The following LAMC1 variants were observed in gnomAD, a reference collection of about 807,000 sequenced individuals.
The protein encoded by LAMC1 is laminin subunit gamma-1.
LAMC1 carries 38 observed loss-of-function variants against 173.6 expected under a neutral mutation model. The ratio of observed to expected loss-of-function variants is 0.22; its 90% CI spans 0.17 to 0.29. The LOEUF (loss-of-function observed/expected upper bound fraction) is 0.29. Ranked by LOEUF, LAMC1 falls within the 10% of genes least tolerant of loss-of-function variation. The probability of loss-of-function intolerance (pLI) is 1.00; values close to 1 mark genes in which losing one functional copy is unlikely to be tolerated. For missense variants in LAMC1, 1,824 were observed against 2,051.8 expected, an observed-to-expected ratio of 0.89 and a Z score of 2.14; for synonymous variants, 746 against 749.1, an observed-to-expected ratio of 1.00 and a Z score of 0.07.
chr1:183,107,299 A>ATT (rs1282081755), intron 2 of LAMC1, among the ~76,000 whole-genome samples: 2 of 152,134 alleles, frequency 1.3e-5, no homozygotes, highest in Non-Finnish European at 2.9e-5. Context: ...GTGTGGAAAA[A>ATT]GACAATGTAA....
At chr1:183,131,958 C>T (rs1242801638) in intron 20 of LAMC1, among the ~76,000 whole-genome samples, 4 of 152,128 alleles carry the variant, frequency 2.6e-5, no homozygotes, top group Non-Finnish European at 5.9e-5. Flanking sequence ...AAATGAATGA[C>T]GTTTTCTAAT....
At position 183,023,946 on chromosome 1, in the gene LAMC1, G is replaced by A. The variant is rs1157572120; in HGVS notation, c.230G>A (p.Cys77Tyr). 1.9e-6 allele frequency: 3 copies of A among 1,613,356 alleles called. No homozygotes were observed. The highest frequency in any genetic ancestry group is 1.7e-5 in the Admixed American group (1 of 60,016). The part of the protein sequence containing the change: ...NTCGTPPEEY[C>Y]VQTGVTGVTK... ...TGTGGGACTCCGCCCGAGGAATACT[G>A]TGTGCAGACCGGGGTGACCGGGGTC... is the stretch of plus-strand genomic sequence containing the variant. Residue 77 changes from cysteine (C) to tyrosine (Y), a missense_variant, in exon 1 of 28, where the codon TGT becomes TAT. Coordinates refer to ENST00000258341, the MANE Select transcript of LAMC1 (RefSeq NM_002293.4).
chr1:183,057,564 CA>C (rs1654630951), intron 1 of LAMC1, among the ~76,000 whole-genome samples: 1 of 152,158 alleles, frequency 6.6e-6, no homozygotes, highest in African/African-American at 2.4e-5. Flanking sequence ...AGTTTGAGAC[CA>C]GGTTGGCCAG....
intron 6 of LAMC1, among the ~76,000 whole-genome samples, 181 bp downstream of exon 6, chr1:183,115,818 G>C (rs1656303231): frequency 6.6e-6 from 1 of 152,194 alleles, no homozygotes; most frequent in African/African-American, 2.4e-5. Flanking sequence ...AGAGTAAGCA[G>C]AGTTTTAATG....
rs10752896 is a variant in LAMC1, at chr1:183,099,381, A to T, written c.419-3947A>T. 4.0e-3 allele frequency among the ~76,000 whole-genome samples: 604 copies of T among 152,036 alleles called. 18 individuals are homozygous for T. Among genetic ancestry groups the T allele is most frequent in the Admixed American group, 0.036 (543 of 15,278 alleles). On this transcript the variant is annotated intron_variant, in intron 1 of 27. Transcript: ENST00000258341. Reference sequence around the variant, plus strand: ...CTGGGATTACAGGCCTTAGCTACTGAGCCCGGCCCATTCTCAATTCCAACC... The same window carrying T: ...CTGGGATTACAGGCCTTAGCTACTGTGCCCGGCCCATTCTCAATTCCAACC...
chr1:183,136,242 T>C, intron 24 of LAMC1, 144 bp from the exon 25 acceptor site: 1 of 650,876 alleles, frequency 1.5e-6, no homozygotes. Context: ...GATGTGTAAT[T>C]TCTAAAATTT....
intron 1 of LAMC1, among the ~76,000 whole-genome samples, chr1:183,037,208 C>T (rs1460610645): frequency 6.6e-6 from 1 of 152,200 alleles, no homozygotes; most frequent in Non-Finnish European, 1.5e-5. Flanking sequence ...TGGATTTTGT[C>T]AGTGTCTGAC....
At chr1:183,096,356 A>G (rs1423331421) in intron 1 of LAMC1, among the ~76,000 whole-genome samples, 1 of 152,210 alleles carries the variant, frequency 6.6e-6, no homozygotes, top group Non-Finnish European at 1.5e-5. Context: ...CATTATTTTT[A>G]TAATAGCTTT....
chr1:183,041,913 C>T (rs1281422147), intron 1 of LAMC1, among the ~76,000 whole-genome samples: 1 of 152,090 alleles, frequency 6.6e-6, no homozygotes, highest in African/African-American at 2.4e-5. Flanking sequence ...GTGCAAGAAA[C>T]AGCAATTTTG....
chr1:183,105,236 AAAAAAAAAAAG>A (rs1252880140), intron 2 of LAMC1, among the ~76,000 whole-genome samples: 143 of 147,702 alleles, frequency 9.7e-4, no homozygotes, highest in African/African-American at 3.4e-3. Flanking sequence ...AAAAAAAAAA[AAAAAAAAAAAG>A]AAAGAAAGAA....
At chr1:183,097,872 G>A (rs920749492) in intron 1 of LAMC1, among the ~76,000 whole-genome samples, 1 of 152,200 alleles carries the variant, frequency 6.6e-6, no homozygotes, top group South Asian at 2.1e-4. Context: ...ATGGCAGGGG[G>A]AGGAAGAGGG....
chr1:183,051,655 G>A (rs1028255457), intron 1 of LAMC1, among the ~76,000 whole-genome samples: 3 of 152,220 alleles, frequency 2.0e-5, no homozygotes, highest in African/African-American at 7.2e-5. Flanking sequence ...TTCCCAAGGG[G>A]AATCAGCCTT....
In LAMC1 at chr1:183,118,155, T is replaced by C; in HGVS notation, c.1990+9T>C. The C allele has an allele frequency of 6.9e-7, 1 of 1,440,132 alleles. No individual in the cohort carries two copies. Among genetic ancestry groups the C allele is most frequent in the Non-Finnish European group, 9.8e-7 (1 of 1,025,158 alleles). 89.2% of individuals were successfully genotyped at this position (1,440,132 alleles called of 1,614,324 possible). ...GACATACAGTGAGAGAAGTAAGTTA[T>C]GATATAATTTAGGAGAGTTGTTTAA... is the stretch of plus-strand genomic sequence containing the variant. On this transcript the variant is annotated intron_variant, in intron 11 of 27. Coordinates refer to ENST00000258341, the MANE Select transcript of LAMC1 (RefSeq NM_002293.4).
rs540714876 is a variant in LAMC1, at chr1:183,037,628, TGTAA to T, written c.418+13497_418+13500del. ...GTCTGTGTATGTGAATTTGCAAATC[TGTAA>T]GTCTCTCTTTACCTCTTCCTCTCTC... On this transcript the variant is annotated intron_variant, in intron 1 of 27. Transcript: ENST00000258341. Among the ~76,000 whole-genome samples the T allele has an allele frequency of 1.6e-4, 24 of 152,330 alleles. No homozygotes were observed. The South Asian group carries it at 5.0e-3, about 32-fold the overall frequency.
At chr1:183,137,951 C>T in intron 26 of LAMC1, 124 bp downstream of exon 26, 1 of 915,732 alleles carries the variant, frequency 1.1e-6, no homozygotes, top group Non-Finnish European at 1.5e-6. Context: ...ATTGTCTCGT[C>T]AAGAATTGGG....
intron 1 of LAMC1, among the ~76,000 whole-genome samples, chr1:183,037,901 T>A (rs1654024867): frequency 6.6e-6 from 1 of 152,086 alleles, no homozygotes; most frequent in Non-Finnish European, 1.5e-5. Flanking sequence ...ATCCCCTTTT[T>A]AAAAAAAGTC....
chr1:183,035,098 T>A (rs1653945730), intron 1 of LAMC1, among the ~76,000 whole-genome samples: 1 of 152,244 alleles, frequency 6.6e-6, no homozygotes, highest in African/African-American at 2.4e-5. Context: ...GCATTGTTTC[T>A]CTGATAGACC....
intron 1 of LAMC1, among the ~76,000 whole-genome samples, chr1:183,076,602 C>A (rs1015871104): frequency 2.6e-5 from 4 of 152,212 alleles, no homozygotes; most frequent in African/African-American, 9.7e-5. Flanking sequence ...GTTCTTCCCC[C>A]TCACACCAGC....
Position 183,125,418 on chromosome 1 carries a change from G to A in LAMC1, c.2669G>A (p.Gly890Glu), listed in dbSNP as rs1656592612. Residue 890 changes from glycine to glutamate, a missense_variant, in exon 15 of 28, where the codon GGG becomes GAG. By Grantham distance (98) the Gly-to-Glu change is moderately conservative. Coordinates refer to ENST00000258341, the MANE Select transcript of LAMC1 (RefSeq NM_002293.4). ...TTAGCCTGCAATTGCAATCTGTATGGGACCATGAAGCAGCAGAGCAGCTGT... is the reference window on the plus strand; with the variant it reads ...TTAGCCTGCAATTGCAATCTGTATGAGACCATGAAGCAGCAGAGCAGCTGT... ...KCKACNCNLY[G>E]TMKQQSSCNP... 5 of 1,613,992 alleles carry A rather than the reference G, an allele frequency of 3.1e-6. No homozygotes were observed. The highest frequency in any genetic ancestry group is 4.2e-6 in the Non-Finnish European group (5 of 1,180,018).
Sources: gnomAD v4.1 joint callset for allele counts (sites outside exome capture counted in the v4.1 genomes callset) on GRCh38, gnomAD v4.1.1 for gene constraint, MANE v1.5 for transcripts, NCBI Gene and HGNC (gene_info 2026-07-23, HGNC 2026-07-21) for gene names.